LMO7: variants seen among roughly 807,000 people sequenced by gnomAD.
LMO7 encodes the protein LIM domain only protein 7.
A neutral mutation model predicts 206.5 loss-of-function variants in LMO7; 120 were observed. The ratio of observed to expected loss-of-function variants is 0.58; its 90% CI spans 0.50 to 0.68. The LOEUF (loss-of-function observed/expected upper bound fraction) is 0.68, where lower values mean the gene tolerates loss of function less well. Ranked by LOEUF, LMO7 falls within the 30% of genes least tolerant of loss-of-function variation. The pLI is 0.00. For synonymous variants in LMO7, 706 were observed against 681.5 expected (o/e 1.04, Z -0.56); for missense variants, 1,959 against 1,957.9 (o/e 1.00, Z -0.01).
chr13:75,856,735 T>C (rs1462018314), intron 30 of LMO7, 127 bp downstream of exon 30: 5 of 654,820 alleles, frequency 7.6e-6, no homozygotes, highest in South Asian at 3.3e-5. Flanking sequence ...GTTTCAAGAA[T>C]TGTAGTGTGT....
At chr13:75,734,039 C>G (rs1024323175) in intron 3 of LMO7, among the ~76,000 whole-genome samples, 4 of 152,222 alleles carry the variant, frequency 2.6e-5, no homozygotes, top group Admixed American at 2.0e-4. Flanking sequence ...CCAAAATAGT[C>G]AAGGCCTGCT....
chr13:75,707,044 C>G (rs1360274535), intron 1 of LMO7, among the ~76,000 whole-genome samples: 1 of 151,704 alleles, frequency 6.6e-6, no homozygotes, highest in Non-Finnish European at 1.5e-5. Context: ...TGGTGTCAGC[C>G]TCTTCTATTC....
chr13:75,651,464 C>A (rs1363868649), intron 1 of LMO7, among the ~76,000 whole-genome samples: 1 of 152,018 alleles, frequency 6.6e-6, no homozygotes, highest in East Asian at 1.9e-4. Context: ...CACGTGCCAC[C>A]ATGCCTGGCT....
chr13:75,802,832 G>C (rs1435971688), intron 7 of LMO7, among the ~76,000 whole-genome samples: 1 of 152,130 alleles, frequency 6.6e-6, no homozygotes, highest in South Asian at 2.1e-4. Context: ...GTCCTAAATT[G>C]ATGAGCACTA....
rs772440487 is a variant in LMO7 at position 75,856,432 on chromosome 13, C to T, written c.4771-74C>T. The T allele has an allele frequency of 3.6e-5, 30 of 838,650 alleles. No individual in the cohort carries two copies. In the Admixed American group the frequency reaches 3.9e-4, roughly 11 times the overall value. 52.0% of individuals were successfully genotyped at this position (838,650 alleles called of 1,614,324 possible). ...TAGAAGTAGCATTCTGCTCATTTCC[C>T]CCCCACCCCCAGGAGTGCCCCAAGC... On this transcript the variant is annotated intron_variant, in intron 29 of 30. Coordinates refer to ENST00000377534, the MANE Select transcript of LMO7 (RefSeq NM_001306080.2).
chr13:75,697,870 A>G (rs907780916), intron 1 of LMO7, among the ~76,000 whole-genome samples: 5 of 152,190 alleles, frequency 3.3e-5, no homozygotes, highest in Admixed American at 6.5e-5. Context: ...CTTTGTTGAG[A>G]TCGCTTAAGG....
At chr13:75,708,187 T>C (rs1289812584) in intron 1 of LMO7, among the ~76,000 whole-genome samples, 2 of 152,210 alleles carry the variant, frequency 1.3e-5, no homozygotes, top group East Asian at 1.9e-4. Flanking sequence ...AAGCAGGTGA[T>C]ATTTTCCCTG....
rs372639905 is a variant in LMO7, at chr13:75,857,914, C to T, written c.4874-7C>T. The T allele has an allele frequency of 1.4e-4, 224 of 1,592,406 alleles. No homozygotes were observed. The highest frequency in any genetic ancestry group is 5.0e-4 in the Middle Eastern group (3 of 5,976). ...CACTTTTCTTTCTTTTCTCCTTGCC[C>T]GATCAGCTGGACGGCCAACCGCCAT... On this transcript the variant is annotated splice_polypyrimidine_tract_variant and splice_region_variant and intron_variant, in intron 30 of 30. Transcript: ENST00000377534.
rs2057854188 is a variant in LMO7, at chr13:75,823,938, A to G, written c.2949+65A>G. The G allele has an allele frequency of 9.2e-6, 12 of 1,309,086 alleles. 1 individual carries two copies. Among genetic ancestry groups the G allele is most frequent in the Admixed American group, 3.8e-5 (2 of 53,112 alleles). 81.1% of individuals were successfully genotyped at this position (1,309,086 alleles called of 1,614,324 possible). A position where few individuals can be genotyped will look rare whatever the true frequency, so the allele number is the denominator to read the frequency against. ...ACTTACACATTTAAATCTGGAAACCATGTCTCAAATGTCAAACCTCTAGGT... is the reference window on the plus strand; with the variant it reads ...ACTTACACATTTAAATCTGGAAACCGTGTCTCAAATGTCAAACCTCTAGGT... On this transcript the variant is annotated intron_variant, in intron 15 of 30. Coordinates refer to ENST00000377534, the MANE Select transcript of LMO7 (RefSeq NM_001306080.2).
At chr13:75,810,945 T>G (rs531994905) in intron 11 of LMO7, among the ~76,000 whole-genome samples, 1 of 152,336 alleles carries the variant, frequency 6.6e-6, no homozygotes, top group African/African-American at 2.4e-5. Context: ...TTTCGGATAG[T>G]ACAATATTTG....
At chr13:75,641,472 C>A (rs1290154686) in intron 1 of LMO7, among the ~76,000 whole-genome samples, 2 of 152,126 alleles carry the variant, frequency 1.3e-5, no homozygotes, top group Non-Finnish European at 2.9e-5. Context: ...GTCACCAGAA[C>A]CCAATCAAGA....
chr13:75,828,964 A>C (rs560760854), intron 15 of LMO7, among the ~76,000 whole-genome samples: 2 of 152,304 alleles, frequency 1.3e-5, no homozygotes, highest in Non-Finnish European at 2.9e-5. Context: ...GAAGGAATCC[A>C]GTGTTTCTAA....
chr13:75,836,861 A>AG (rs1156634213), intron 19 of LMO7, among the ~76,000 whole-genome samples: 4 of 152,214 alleles, frequency 2.6e-5, no homozygotes, highest in African/African-American at 9.6e-5. Context: ...TAGCTGTAAG[A>AG]GGGAAATGCC....
At chr13:75,739,851 T>C (rs1473787384) in intron 3 of LMO7, among the ~76,000 whole-genome samples, 1 of 152,158 alleles carries the variant, frequency 6.6e-6, no homozygotes, top group East Asian at 1.9e-4. Context: ...TCCCCACTTA[T>C]TCTCTCTTCA....
At chr13:75,756,334 G>A (rs1045409952) in intron 3 of LMO7, among the ~76,000 whole-genome samples, 1 of 152,168 alleles carries the variant, frequency 6.6e-6, no homozygotes, top group African/African-American at 2.4e-5. Context: ...CAGAAACACT[G>A]CCAGCTGAGA....
chr13:75,834,483 T>C, intron 17 of LMO7, 96 bp downstream of exon 17: 1 of 973,776 alleles, frequency 1.0e-6, no homozygotes, highest in Admixed American at 2.7e-5. Flanking sequence ...TTTTATTTTT[T>C]CACTTATGTT....
intron 3 of LMO7, among the ~76,000 whole-genome samples, chr13:75,728,950 A>G (rs949107083): frequency 4.0e-5 from 6 of 150,742 alleles, no homozygotes; most frequent in African/African-American, 1.2e-4. Context: ...ATGCAGCATT[A>G]TTTCTCAGGG....
At chr13:75,634,899 G>C (rs1199281211), upstream of LMO7, among the ~76,000 whole-genome samples, 2 of 151,898 alleles carry the variant, frequency 1.3e-5, no homozygotes, top group Non-Finnish European at 2.9e-5. Flanking sequence ...CCAGCTGCTC[G>C]AGAGGCTAAG....
At chr13:75,796,889 G>T in intron 6 of LMO7, 140 bp downstream of exon 6, 1 of 615,542 alleles carries the variant, frequency 1.6e-6, no homozygotes, top group Non-Finnish European at 2.9e-6. Flanking sequence ...TATCAATTGG[G>T]CTGAGTAAAG....
Sources: gnomAD v4.1 joint callset for allele counts (sites outside exome capture counted in the v4.1 genomes callset) on GRCh38, gnomAD v4.1.1 for gene constraint, MANE v1.5 for transcripts, NCBI Gene and HGNC (gene_info 2026-07-23, HGNC 2026-07-21) for gene names.